LNX2: variants seen among roughly 807,000 people sequenced by gnomAD.
LNX2 encodes ligand of numb-protein X 2.
A neutral mutation model predicts 66.2 loss-of-function variants in LNX2; 35 were observed. That is an observed-to-expected ratio of 0.53 (90% CI 0.40 to 0.70). The LOEUF is 0.70. Ranked by LOEUF, LNX2 falls within the 30% of genes least tolerant of loss-of-function variation. LNX2 has a pLI of 0.00. For synonymous variants in LNX2, 337 were observed against 315.6 expected (o/e 1.07, Z -0.72); for missense variants, 791 against 850.8 (o/e 0.93, Z 0.87).
At chr13:27,616,354 A>C (rs1332596687) in intron 1 of LNX2, among the ~76,000 whole-genome samples, 1 of 152,174 alleles carries the variant, frequency 6.6e-6, no homozygotes, top group African/African-American at 2.4e-5. Flanking sequence ...GGAAGCCTTC[A>C]GGTAGTAGGC....
intron 4 of LNX2, among the ~76,000 whole-genome samples, chr13:27,566,150 G>A (rs9507910): frequency 0.098 from 14,858 of 152,140 alleles, 1,029 homozygotes; most frequent in Non-Finnish European, 0.14. Flanking sequence ...AACTCATCAC[G>A]TGCCAAGTGA....
At chr13:27,563,016 G>T (rs1019873244) in intron 4 of LNX2, among the ~76,000 whole-genome samples, 3 of 151,386 alleles carry the variant, frequency 2.0e-5, no homozygotes, top group Non-Finnish European at 4.4e-5. Flanking sequence ...TAGGATCACG[G>T]GCTTTAATGA....
intron 1 of LNX2, among the ~76,000 whole-genome samples, chr13:27,597,095 T>A (rs1359759414): frequency 6.6e-6 from 1 of 152,178 alleles, no homozygotes; most frequent in Non-Finnish European, 1.5e-5. Flanking sequence ...CCTATCCTTA[T>A]CAGAAATCAA....
intron 9 of LNX2, among the ~76,000 whole-genome samples, 179 bp downstream of exon 9, chr13:27,550,154 T>C (rs1441572229): frequency 6.6e-6 from 1 of 152,162 alleles, no homozygotes; most frequent in Admixed American, 6.5e-5. Flanking sequence ...TGACATCAAC[T>C]CCGCTGGTGT....
chr13:27,592,769 A>C (rs2138429557), intron 1 of LNX2, among the ~76,000 whole-genome samples: 1 of 152,312 alleles, frequency 6.6e-6, no homozygotes, highest in Non-Finnish European at 1.5e-5. Flanking sequence ...ATTAAGAGAG[A>C]ATTGTACAGA....
At chr13:27,551,398 G>GA (rs1028244065) in intron 8 of LNX2, among the ~76,000 whole-genome samples, 58 of 146,510 alleles carry the variant, frequency 4.0e-4, no homozygotes, top group African/African-American at 1.2e-3. Flanking sequence ...CAGAGAGGGA[G>GA]AAAAAAAAAA....
chr13:27,552,637 T>G (rs1955019435), intron 8 of LNX2, among the ~76,000 whole-genome samples: 1 of 152,200 alleles, frequency 6.6e-6, no homozygotes, highest in Non-Finnish European at 1.5e-5. Context: ...GGAGGTTCCA[T>G]GTGCTTCTGT....
chr13:27,571,147 T>C (rs1035677934), intron 2 of LNX2, among the ~76,000 whole-genome samples: 23 of 152,220 alleles, frequency 1.5e-4, no homozygotes, highest in African/African-American at 5.5e-4. Context: ...AAAACCCATA[T>C]TTAAATGAGA....
rs1284814742 is a variant in LNX2 at position 27,613,845 on chromosome 13, A to C, written c.-101+6530T>G. ...CTGCAAATGATTAACTACTCGAATG[A>C]ATGTCTTTTAAGATTTTAAATACTA... is the stretch of plus-strand genomic sequence containing the variant. On this transcript the variant is annotated intron_variant, in intron 1 of 9. Transcript: ENST00000316334. 2.0e-5 allele frequency among the ~76,000 whole-genome samples: 3 copies of C among 152,222 alleles called. No individual in the cohort carries two copies. The East Asian group carries it at 5.8e-4, about 29-fold the overall frequency.
intron 8 of LNX2, 117 bp downstream of exon 8, chr13:27,553,091 T>C (rs1427596336): frequency 2.2e-5 from 17 of 779,442 alleles, no homozygotes; most frequent in Non-Finnish European, 3.3e-5. Flanking sequence ...ATGTTGCTAT[T>C]TTACTGAATT....
intron 3 of LNX2, among the ~76,000 whole-genome samples, chr13:27,568,744 C>G (rs1207798869): frequency 6.6e-6 from 1 of 152,104 alleles, no homozygotes; most frequent in Admixed American, 6.5e-5. Context: ...GTAATAACCA[C>G]GCGAATGACT....
At position 27,548,457 on chromosome 13, in the gene LNX2, T is replaced by C; in HGVS notation, c.1951A>G (p.Ile651Val). 6.2e-7 allele frequency: 1 copy of C among 1,613,860 alleles called. No homozygotes were observed. The highest frequency in any genetic ancestry group is 8.5e-7 in the Non-Finnish European group (1 of 1,179,932). ...GTTGACAGCCCATTTACGGCCACAA[T>C]CATGTCACCACACCTGGACAAAGAG... ...YDGRLKCGDM[I>V]VAVNGLSTVG... is the part of the protein sequence containing the mutation. Residue 651 changes from isoleucine to valine, a missense_variant, in exon 10 of 10, where the codon ATT becomes GTT. Physicochemically the swap from Ile to Val is conservative, Grantham distance 29 (BLOSUM62 3). Coordinates refer to ENST00000316334, the MANE Select transcript of LNX2 (RefSeq NM_153371.4).
chr13:27,615,720 T>C (rs1955819019), intron 1 of LNX2, among the ~76,000 whole-genome samples: 1 of 152,122 alleles, frequency 6.6e-6, no homozygotes, highest in African/African-American at 2.4e-5. Context: ...ATAAAGACCA[T>C]ATATATATTT....
intron 4 of LNX2, among the ~76,000 whole-genome samples, chr13:27,563,941 T>G (rs1955172782): frequency 6.6e-6 from 1 of 152,198 alleles, no homozygotes; most frequent in East Asian, 1.9e-4. Context: ...AAGTCCTTGG[T>G]AAAAGTATTG....
chr13:27,592,745 G>A (rs1955557465), intron 1 of LNX2, among the ~76,000 whole-genome samples: 2 of 152,214 alleles, frequency 1.3e-5, no homozygotes, highest in South Asian at 4.1e-4. Flanking sequence ...AGTGTCCACT[G>A]TGATTGGACG....
chr13:27,620,496 T>TCGC lies in LNX2; in HGVS notation c.-225_-223dup, dbSNP rs530368033. 0.11 allele frequency: 18,579 copies of TCGC among 171,578 alleles called. 1,381 individuals carry two copies. Among genetic ancestry groups the TCGC allele is most frequent in the Non-Finnish European group, 0.15 (12,676 of 83,498 alleles). 10.6% of individuals were successfully genotyped at this position (171,578 alleles called of 1,614,324 possible). Reference sequence around the variant, plus strand: ...CTGCCCGGCTCCGCTCCGCCAGGAATCGCCGCCGCCGCCGCCGCCGCCGCG... The same window carrying TCGC: ...CTGCCCGGCTCCGCTCCGCCAGGAATCGCCGCCGCCGCCGCCGCCGCCGCCGCG... On this transcript the variant is annotated 5_prime_UTR_variant, in exon 1 of 10. Coordinates refer to ENST00000316334, the MANE Select transcript of LNX2 (RefSeq NM_153371.4).
chr13:27,593,370 G>C (rs887245068), intron 1 of LNX2, among the ~76,000 whole-genome samples: 1 of 151,836 alleles, frequency 6.6e-6, no homozygotes, highest in Non-Finnish European at 1.5e-5. Flanking sequence ...CAATAGTTTT[G>C]AAAAATACCA....
At chr13:27,580,146 T>A (rs1287715647) in intron 2 of LNX2, among the ~76,000 whole-genome samples, 1 of 152,078 alleles carries the variant, frequency 6.6e-6, no homozygotes, top group African/African-American at 2.4e-5. Context: ...CATGTGCACA[T>A]GAATGAAACT....
At chr13:27,564,874 A>T (rs753874537) in intron 4 of LNX2, among the ~76,000 whole-genome samples, 1 of 152,222 alleles carries the variant, frequency 6.6e-6, no homozygotes, top group Non-Finnish European at 1.5e-5. Context: ...ACTCTTGAAT[A>T]ACCATAAATA....
Sources: allele counts gnomAD v4.1 joint callset (sites outside exome capture counted in the v4.1 genomes callset), GRCh38; gene constraint gnomAD v4.1.1; transcripts MANE v1.5; gene names NCBI Gene and HGNC (gene_info 2026-07-23, HGNC 2026-07-21).